The following STK32B variants were observed in gnomAD, a reference collection of about 807,000 sequenced individuals.
The protein encoded by STK32B is serine/threonine kinase 32B, also known as serine/threonine-protein kinase 32B.
STK32B carries 43 observed loss-of-function variants against 52.6 expected under a neutral mutation model. The observed-to-expected ratio is 0.82, with a 90% CI of 0.64 to 1.05. STK32B has a LOEUF of 1.05. Ranked by LOEUF, STK32B falls within the 50% of genes least tolerant of loss-of-function variation. The pLI, the probability that STK32B is intolerant of heterozygous loss-of-function variation, is 0.00. For missense variants in STK32B, 621 were observed against 534.6 expected (o/e 1.16, Z -1.59); for synonymous variants, 238 against 204.3 (o/e 1.17, Z -1.41).
chr4:5,441,582 G>GT (rs1366945023), intron 6 of STK32B, among the ~76,000 whole-genome samples: 4 of 151,430 alleles, frequency 2.6e-5, no homozygotes, highest in African/African-American at 9.7e-5. Flanking sequence ...TTTTTGAAGG[G>GT]TTTTTTGTGT....
rs573321715 is a variant in STK32B at position 5,440,682 on chromosome 4, T to C, written c.563-5991T>C. Reference sequence around the variant, plus strand: ...GAGAGAGGGCATCCCTGTCTTGTGCTAGTTTTCAAAGGAAATGCTTCCAGT... The same window carrying C: ...GAGAGAGGGCATCCCTGTCTTGTGCCAGTTTTCAAAGGAAATGCTTCCAGT... On this transcript the variant is annotated intron_variant, in intron 6 of 11. Coordinates refer to ENST00000282908, the MANE Select transcript of STK32B (RefSeq NM_018401.3). Among the ~76,000 whole-genome samples the C allele has an allele frequency of 9.1e-3, 1,382 of 152,296 alleles. 26 individuals carry two copies. Among genetic ancestry groups the C allele is most frequent in the African/African-American group, 0.031 (1,290 of 41,562 alleles).
At chr4:5,247,348 C>T (rs1022228522) in intron 3 of STK32B, among the ~76,000 whole-genome samples, 57 of 152,370 alleles carry the variant, frequency 3.7e-4, no homozygotes, top group African/African-American at 1.1e-3. Flanking sequence ...GAGCGAGGCT[C>T]CATAGGCGTA....
chr4:5,079,541 A>G (rs1306444492), intron 1 of STK32B, among the ~76,000 whole-genome samples: 1 of 152,184 alleles, frequency 6.6e-6, no homozygotes, highest in Non-Finnish European at 1.5e-5. Context: ...GAAAATTTTC[A>G]TACATGGTTA....
chr4:5,090,695 G>T (rs4261921), intron 1 of STK32B, among the ~76,000 whole-genome samples: 76,906 of 151,934 alleles, frequency 0.51, 20,951 homozygotes, highest in East Asian at 0.8. Context: ...TTTGTATAAG[G>T]TGTAAGGAAG....
At chr4:5,440,340 C>T (rs528817686) in intron 6 of STK32B, among the ~76,000 whole-genome samples, 3 of 152,206 alleles carry the variant, frequency 2.0e-5, no homozygotes, top group South Asian at 4.2e-4. Flanking sequence ...AGTTGGATTC[C>T]TAGGTATTTT....
intron 3 of STK32B, among the ~76,000 whole-genome samples, chr4:5,239,651 A>G (rs1254242711): frequency 6.6e-6 from 1 of 152,164 alleles, no homozygotes; most frequent in Non-Finnish European, 1.5e-5. Flanking sequence ...ATTCTCAGAA[A>G]GTCCAGAGGC....
intron 3 of STK32B, among the ~76,000 whole-genome samples, chr4:5,177,585 C>T (rs925069980): frequency 6.6e-6 from 1 of 152,182 alleles, no homozygotes; most frequent in African/African-American, 2.4e-5. Flanking sequence ...CTCAAAAGTC[C>T]AAGTCCAAAG....
chr4:5,234,158 G>A (rs571669404), intron 3 of STK32B, among the ~76,000 whole-genome samples: 1 of 152,300 alleles, frequency 6.6e-6, no homozygotes, highest in East Asian at 1.9e-4. Context: ...AGGAAATGAG[G>A]TTAGATTATT....
chr4:5,224,098 T>A (rs899795341), intron 3 of STK32B, among the ~76,000 whole-genome samples: 2 of 152,198 alleles, frequency 1.3e-5, no homozygotes, highest in African/African-American at 4.8e-5. Context: ...TAGAAGAGAT[T>A]CTTGACTTTG....
Position 5,287,174 on chromosome 4 carries a change from G to T in STK32B, c.261-44046G>T, listed in dbSNP as rs953216756. The stretch of plus-strand genomic sequence containing the variant: ...GGCATGTATATGTTCAGCTTTAGTA[G>T]ATACTGCCAAGTCGTTTCCCAAAGG... On this transcript the variant is annotated intron_variant, in intron 3 of 11. Transcript: ENST00000282908. Among the ~76,000 whole-genome samples the T allele has an allele frequency of 3.9e-5, 6 of 152,164 alleles. No homozygotes were observed. The East Asian group carries it at 1.2e-3, about 29-fold the overall frequency.
intron 3 of STK32B, among the ~76,000 whole-genome samples, chr4:5,299,400 G>T (rs1157300125): frequency 6.7e-6 from 1 of 150,058 alleles, no homozygotes; most frequent in African/African-American, 2.5e-5. Flanking sequence ...GGATTTTTAT[G>T]GTTTGAGGTC....
chr4:5,255,380 G>C (rs1577252868), intron 3 of STK32B, among the ~76,000 whole-genome samples: 1 of 152,044 alleles, frequency 6.6e-6, no homozygotes, highest in African/African-American at 2.4e-5. Context: ...ACAACCATTT[G>C]ATTTTCTCCT....
chr4:5,373,607 G>C (rs10213522), intron 4 of STK32B, among the ~76,000 whole-genome samples: 4,448 of 152,216 alleles, frequency 0.029, 83 homozygotes, highest in East Asian at 0.073. Flanking sequence ...AAACACCTGG[G>C]AATCACTGGG....
At chr4:5,445,605 T>C (rs1321612853) in intron 6 of STK32B, among the ~76,000 whole-genome samples, 1 of 152,090 alleles carries the variant, frequency 6.6e-6, no homozygotes, top group Non-Finnish European at 1.5e-5. Flanking sequence ...CCCTGAAGAA[T>C]AAGGGTCCAC....
At chr4:5,339,469 C>T (rs1732927291) in intron 4 of STK32B, among the ~76,000 whole-genome samples, 3 of 151,516 alleles carry the variant, frequency 2.0e-5, no homozygotes, top group Non-Finnish European at 2.9e-5. Flanking sequence ...AGATTTGAAA[C>T]TGTGTATCTG....
intron 1 of STK32B, among the ~76,000 whole-genome samples, chr4:5,095,490 C>T (rs1484753223): frequency 3.3e-5 from 5 of 152,118 alleles, no homozygotes; most frequent in Non-Finnish European, 4.4e-5. Context: ...TGGCACATGC[C>T]TGTAGTCCCA....
intron 9 of STK32B, among the ~76,000 whole-genome samples, chr4:5,461,705 G>A (rs546716127): frequency 3.9e-5 from 6 of 152,086 alleles, no homozygotes; most frequent in African/African-American, 7.2e-5. Context: ...CACTTCCCTC[G>A]CAGGCAGGGC....
At chr4:5,432,342 G>A (rs535161251) in intron 6 of STK32B, 11 of 152,342 alleles carry the variant, frequency 7.2e-5, no homozygotes, top group African/African-American at 2.4e-4. Context: ...TCTGCCTTCA[G>A]AGAGCTACCC....
the STK32B span, among the ~76,000 whole-genome samples, chr4:5,033,887 T>C: frequency 4.6e-5 from 7 of 152,176 alleles, no homozygotes; most frequent in African/African-American, 1.7e-4. Context: ...TAAACCATCT[T>C]TTTTTGCTGG....
Sources: allele counts gnomAD v4.1 joint callset (sites outside exome capture counted in the v4.1 genomes callset), GRCh38; gene constraint gnomAD v4.1.1; transcripts MANE v1.5; gene names NCBI Gene and HGNC (gene_info 2026-07-23, HGNC 2026-07-21).